Variants in ABCA9 observed in about 807,000 individuals in gnomAD.
ABCA9 encodes the protein ATP-binding cassette sub-family A member 9.
In ABCA9, 183 loss-of-function variants were observed where a neutral mutation model predicts 205.3. The observed-to-expected ratio is 0.89, with a 90% CI of 0.79 to 1.01. The LOEUF (loss-of-function observed/expected upper bound fraction) is 1.01. Ranked by LOEUF, ABCA9 falls within the 50% of genes least tolerant of loss-of-function variation. ABCA9 has a pLI of 0.00. For synonymous variants in ABCA9, 651 were observed against 683.3 expected, an observed-to-expected ratio of 0.95 and a Z score of 0.74; for missense variants, 1,805 against 1,912.4, an observed-to-expected ratio of 0.94 and a Z score of 1.05.
chr17:69,012,256 T>G (rs2070406515), intron 22 of ABCA9, 173 bp from the exon 23 acceptor site: 1 of 495,024 alleles, frequency 2.0e-6, no homozygotes, highest in African/African-American at 2.0e-5. Context: ...TTGCAGCAAC[T>G]AGGACCTTCT....
chr17:69,004,222 T>C (rs910172714), intron 25 of ABCA9, among the ~76,000 whole-genome samples: 3 of 152,230 alleles, frequency 2.0e-5, no homozygotes, highest in African/African-American at 4.8e-5. Context: ...AGTTTTTCTG[T>C]TCTGTTTTTT....
rs1395025397 is a variant in ABCA9, at chr17:68,984,979, G to A, written c.4285C>T (p.Leu1429=). Residue 1429 remains leucine (L), a splice_region_variant and synonymous_variant, in exon 34 of 39, where the codon CTG becomes TTG. Transcript: ENST00000340001. ...CCCAGGATGCTCAGCACAAAGCACA[G>A]CTGCAACGGGAGGAACAGCCCCTCT... The part of the protein sequence containing the change: ...KTLSEGIKRK[L]CFVLSILGNP... 2 of 1,614,186 alleles carry A rather than the reference G, an allele frequency of 1.2e-6. No homozygotes were observed. Among genetic ancestry groups the A allele is most frequent in the Non-Finnish European group, 1.7e-6 (2 of 1,180,048 alleles).
chr17:68,985,405 C>T (rs1352212402), intron 32 of ABCA9, among the ~76,000 whole-genome samples: 1 of 152,084 alleles, frequency 6.6e-6, no homozygotes, highest in African/African-American at 2.4e-5. Flanking sequence ...AGGTGGACCA[C>T]GAGGTCAAGA....
In ABCA9 at chr17:69,049,381, T is replaced by C; in HGVS notation, c.206A>G (p.Asp69Gly). 1 of 1,613,030 alleles carries C rather than the reference T, an allele frequency of 6.2e-7. No individual in the cohort carries two copies. Among genetic ancestry groups the C allele is most frequent in the East Asian group, 2.2e-5 (1 of 44,784 alleles). ...QMSSMDLGRV[D>G]SFNDTNYVIA... ...AACATAATTAGTATCATTAAAACTATCTACACGTCCCAGATCCATTGAAGA... is the reference window on the plus strand; with the variant it reads ...AACATAATTAGTATCATTAAAACTACCTACACGTCCCAGATCCATTGAAGA... The change falls in exon 3 of 39, where the codon GAT becomes GGT. Residue 69 changes from aspartate to glycine, a missense_variant. By Grantham distance (94) the Asp-to-Gly change is moderately conservative. Transcript: ENST00000340001.
At chr17:69,002,081 T>A (rs1271052663) in intron 25 of ABCA9, among the ~76,000 whole-genome samples, 1 of 144,294 alleles carries the variant, frequency 6.9e-6, no homozygotes, top group Non-Finnish European at 1.5e-5. Flanking sequence ...CCTGGATTCA[T>A]TAATTTTTTG....
At chr17:69,007,893 G>A (rs370571821) in intron 24 of ABCA9, 21 bp from the exon 25 acceptor site, 3 of 1,518,318 alleles carry the variant, frequency 2.0e-6, no homozygotes, top group African/African-American at 2.8e-5. Flanking sequence ...AAATGTTAAG[G>A]TCCAATAAGG....
At chr17:69,007,203 C>G (rs955035987) in intron 25 of ABCA9, among the ~76,000 whole-genome samples, 1 of 152,124 alleles carries the variant, frequency 6.6e-6, no homozygotes, top group Non-Finnish European at 1.5e-5. Flanking sequence ...GAGTTCATGA[C>G]CAGCCTGGCC....
intron 28 of ABCA9, among the ~76,000 whole-genome samples, chr17:68,991,177 T>G (rs1163538358): frequency 1.3e-5 from 2 of 152,174 alleles, no homozygotes; most frequent in African/African-American, 4.8e-5. Flanking sequence ...TTACCAAAGC[T>G]TAATCCTCCC....
At chr17:68,995,687 T>G (rs1051339844) in intron 26 of ABCA9, among the ~76,000 whole-genome samples, 3 of 81,176 alleles carry the variant, frequency 3.7e-5, no homozygotes, top group Non-Finnish European at 8.3e-5. Flanking sequence ...CTCCTGGAGT[T>G]GCCTTTGACT....
chr17:69,078,215 T>TG, the ABCA9 span, among the ~76,000 whole-genome samples: 1 of 150,136 alleles, frequency 6.7e-6, no homozygotes, highest in African/African-American at 2.4e-5. Context: ...TTGTTGTTTT[T>TG]TTTTTTTTTG....
intron 23 of ABCA9, 84 bp from the exon 24 acceptor site, chr17:69,008,319 C>G (rs775628111): frequency 7.7e-7 from 1 of 1,305,468 alleles, no homozygotes; most frequent in Non-Finnish European, 1.1e-6. Flanking sequence ...TGAAAGCATT[C>G]ATTTTTGCTT....
At chr17:68,993,432 C>T (rs1231883944) in intron 26 of ABCA9, among the ~76,000 whole-genome samples, 2 of 152,206 alleles carry the variant, frequency 1.3e-5, no homozygotes, top group African/African-American at 4.8e-5. Context: ...TTCATTTGTG[C>T]TCTTCCCTCG....
intron 22 of ABCA9, 149 bp downstream of exon 22, chr17:69,016,102 GTA>G (rs369501172): frequency 0.046 from 11,885 of 258,504 alleles, 320 homozygotes; most frequent in African/African-American, 0.13. Context: ...ATGTGTGTGT[GTA>G]TATATATATA....
At chr17:69,027,849 A>G (rs1460706572) in intron 12 of ABCA9, 34 bp from the exon 13 acceptor site, 3 of 1,503,312 alleles carry the variant, frequency 2.0e-6, no homozygotes, top group Non-Finnish European at 2.7e-6. Context: ...ACCATCAGGA[A>G]AATGTGTCAT....
chr17:69,070,297 C>A, the ABCA9 span, among the ~76,000 whole-genome samples: 1 of 151,994 alleles, frequency 6.6e-6, no homozygotes, highest in Non-Finnish European at 1.5e-5. Flanking sequence ...ATGCAGCTCC[C>A]GGGCAAGATG....
chr17:69,078,870 C>A, the ABCA9 span: 2 of 647,900 alleles, frequency 3.1e-6, no homozygotes, highest in Admixed American at 3.7e-5. Flanking sequence ...CAAAATATAC[C>A]TGATGTTAAT....
chr17:69,059,813 GA>G (rs943223186), intron 1 of ABCA9, among the ~76,000 whole-genome samples: 1 of 152,090 alleles, frequency 6.6e-6, no homozygotes, highest in Non-Finnish European at 1.5e-5. Flanking sequence ...GCAGAACAAA[GA>G]AGGGCATGGA....
In ABCA9 at chr17:68,984,130, G is replaced by A; in HGVS notation, c.4425C>T (p.Leu1475=). ...CCTCTGCCATGTAGTGGGTGGTCAGGAGGGCGCCCCTCTCCGTGTTTCTAA... is the reference window on the plus strand; with the variant it reads ...CCTCTGCCATGTAGTGGGTGGTCAGAAGGGCGCCCCTCTCCGTGTTTCTAA... The part of the protein sequence containing the change: ...ATFRNTERGA[L]LTTHYMAEAE... Residue 1475 remains leucine (L), a synonymous_variant, in exon 35 of 39, where the codon CTC becomes CTT. Transcript: ENST00000340001. The A allele has an allele frequency of 1.9e-6, 3 of 1,614,192 alleles. No individual in the cohort carries two copies. The highest frequency in any genetic ancestry group is 2.2e-5 in the South Asian group (2 of 91,082).
At chr17:69,043,385 G>T (rs2071610155) in intron 6 of ABCA9, 104 bp downstream of exon 6, 1 of 838,688 alleles carries the variant, frequency 1.2e-6, no homozygotes, top group African/African-American at 1.7e-5. Flanking sequence ...TGGACCAGTA[G>T]CAGTCTGTGG....
Sources: allele counts gnomAD v4.1 joint callset (sites outside exome capture counted in the v4.1 genomes callset), GRCh38; gene constraint gnomAD v4.1.1; transcripts MANE v1.5; gene names NCBI Gene and HGNC (gene_info 2026-07-23, HGNC 2026-07-21).